Variants in ITGA8 observed in about 807,000 individuals in gnomAD.
ITGA8 encodes integrin subunit alpha 8, also known as integrin alpha-8.
ITGA8 carries 91 observed loss-of-function variants against 142.3 expected under a neutral mutation model. That is an observed-to-expected ratio of 0.64 (90% CI 0.54 to 0.76). The LOEUF is 0.76. Ranked by LOEUF, ITGA8 falls within the 30% of genes least tolerant of loss-of-function variation. The pLI is 0.00. For synonymous variants in ITGA8, 505 were observed against 485.2 expected (o/e 1.04, Z -0.54); for missense variants, 1,406 against 1,327.7 (o/e 1.06, Z -0.92).
At position 15,597,317 on chromosome 10, in the gene ITGA8, AG is replaced by A; in HGVS notation, c.2119-19del. The A allele has an allele frequency of 1.3e-6, 2 of 1,584,400 alleles. No homozygotes were observed. The highest frequency in any genetic ancestry group is 1.7e-6 in the Non-Finnish European group (2 of 1,152,762). ...CGAAATCCCTACAATTGCAAAGAAC[AG>A]GGGGTTTAGGGGGCAGGATAAATGA... On this transcript the variant is annotated intron_variant, in intron 20 of 29. Transcript: ENST00000378076.
In ITGA8 at chr10:15,708,076, C is replaced by G. The variant is rs373547094; in HGVS notation, c.343+10690G>C. 7.9e-5 allele frequency among the ~76,000 whole-genome samples: 12 copies of G among 152,158 alleles called. No homozygotes were observed. The East Asian group carries it at 1.5e-3, about 20-fold the overall frequency. The stretch of plus-strand genomic sequence containing the variant: ...TTCCTATGAACCCCATCCGACGGGA[C>G]AAAATCTTAGGCTTTGTTAGTGGAC... On this transcript the variant is annotated intron_variant, in intron 2 of 29. Coordinates refer to ENST00000378076, the MANE Select transcript of ITGA8 (RefSeq NM_003638.3).
At chr10:15,584,777 G>T (rs1442525925) in intron 23 of ITGA8, among the ~76,000 whole-genome samples, 1 of 152,164 alleles carries the variant, frequency 6.6e-6, no homozygotes, top group East Asian at 1.9e-4. Flanking sequence ...TTTTGGCCGA[G>T]CATGGTGGCT....
intron 11 of ITGA8, among the ~76,000 whole-genome samples, chr10:15,648,721 A>T (rs983866436): frequency 5.3e-5 from 8 of 152,130 alleles, no homozygotes; most frequent in Non-Finnish European, 1.0e-4. Context: ...AGACACTCCA[A>T]CATCACTCTA....
chr10:15,525,074 T>C (rs888361981), intron 28 of ITGA8, among the ~76,000 whole-genome samples: 1 of 152,128 alleles, frequency 6.6e-6, no homozygotes, highest in South Asian at 2.1e-4. Context: ...AGTAGCATGA[T>C]CATAGCTCAC....
intron 25 of ITGA8, among the ~76,000 whole-genome samples, chr10:15,558,981 G>C (rs1359394770): frequency 6.6e-6 from 1 of 152,116 alleles, no homozygotes; most frequent in African/African-American, 2.4e-5. Flanking sequence ...TCCCACCCTT[G>C]AGAATTATGA....
chr10:15,625,387 C>T (rs189922583), intron 13 of ITGA8, among the ~76,000 whole-genome samples: 116 of 152,348 alleles, frequency 7.6e-4, no homozygotes, highest in African/African-American at 2.6e-3. Flanking sequence ...TTTCGTGTCA[C>T]CGTATCAAAG....
intron 5 of ITGA8, among the ~76,000 whole-genome samples, chr10:15,678,056 G>T (rs762291581): frequency 6.6e-6 from 1 of 152,004 alleles, no homozygotes. Context: ...TACATCCCCA[G>T]TGCCACCCCC....
intron 15 of ITGA8, 62 bp downstream of exon 15, chr10:15,613,598 T>C: frequency 1.7e-6 from 2 of 1,178,540 alleles, no homozygotes; most frequent in Non-Finnish European, 2.5e-6. Context: ...TCTGTATTTT[T>C]CACAAGATAC....
chr10:15,604,277 T>C lies in ITGA8; in HGVS notation c.2049A>G (p.Ala683=). The change falls in exon 20 of 30, where the codon GCA becomes GCG. Residue 683 remains alanine (A), a synonymous_variant. Transcript: ENST00000378076. ...TCATTACAAAGAGTTCAGCTTCATATGCTCCTTCCCCTTCATTTCTTGCAT... is the reference window on the plus strand; with the variant it reads ...TCATTACAAAGAGTTCAGCTTCATACGCTCCTTCCCCTTCATTTCTTGCAT... ...IINARNEGEG[A]YEAELFVMIP... is the part of the protein sequence containing the mutation. 6.2e-7 allele frequency: 1 copy of C among 1,613,344 alleles called. No individual in the cohort carries two copies. Among genetic ancestry groups the C allele is most frequent in the Non-Finnish European group, 8.5e-7 (1 of 1,179,394 alleles).
At chr10:15,584,686 C>G (rs1689744926) in intron 23 of ITGA8, among the ~76,000 whole-genome samples, 2 of 152,042 alleles carry the variant, frequency 1.3e-5, no homozygotes, top group South Asian at 4.2e-4. Context: ...AAGATATGTA[C>G]AAAAAACAAT....
intron 25 of ITGA8, among the ~76,000 whole-genome samples, chr10:15,561,211 A>ATG (rs1285870816): frequency 1.2e-5 from 1 of 83,174 alleles, no homozygotes; most frequent in Admixed American, 1.1e-4. Context: ...TCTGTTGGCT[A>ATG]TATATATATA....
intron 13 of ITGA8, among the ~76,000 whole-genome samples, chr10:15,621,028 A>T (rs1440090714): frequency 6.6e-6 from 1 of 152,130 alleles, no homozygotes; most frequent in Non-Finnish European, 1.5e-5. Context: ...CACTTGGAAC[A>T]TTTTTTTCTC....
rs1375792477 is a variant in ITGA8 at position 15,644,477 on chromosome 10, T to C, written c.1208-256A>G. Reference sequence around the variant, plus strand: ...ATATATATATATATATATATATATATATATATATATATATAGAATTTTTTT... The same window carrying C: ...ATATATATATATATATATATATATACATATATATATATATAGAATTTTTTT... On this transcript the variant is annotated intron_variant, in intron 12 of 29. Transcript: ENST00000378076. 2.5e-4 allele frequency among the ~76,000 whole-genome samples: 6 copies of C among 23,780 alleles called. 1 individual carries two copies. The highest frequency in any genetic ancestry group is 2.7e-3 in the East Asian group (1 of 364). The allele number at this position is 23,780 out of a possible 152,430, so 15.6% of individuals were successfully genotyped here.
chr10:15,706,680 T>TGTCAAGA (rs1835264193), intron 2 of ITGA8, among the ~76,000 whole-genome samples: 1 of 152,148 alleles, frequency 6.6e-6, no homozygotes, highest in African/African-American at 2.4e-5. Context: ...TGTCAAGTGG[T>TGTCAAGA]CCTCCTGCCT....
chr10:15,674,399 C>A (rs986773745), intron 6 of ITGA8, among the ~76,000 whole-genome samples: 1 of 152,108 alleles, frequency 6.6e-6, no homozygotes, highest in Non-Finnish European at 1.5e-5. Flanking sequence ...AAATTTTTAG[C>A]AAATCATTTG....
At chr10:15,656,269 G>A (rs1834182601) in intron 10 of ITGA8, among the ~76,000 whole-genome samples, 1 of 152,160 alleles carries the variant, frequency 6.6e-6, no homozygotes, top group Admixed American at 6.6e-5. Flanking sequence ...CCACATCTCA[G>A]TATCAATTTG....
At chr10:15,528,494 C>CAGATAAAAA (rs1833220615) in intron 28 of ITGA8, among the ~76,000 whole-genome samples, 1 of 138,950 alleles carries the variant, frequency 7.2e-6, no homozygotes, top group Non-Finnish European at 1.5e-5. Context: ...TCACCTACAT[C>CAGATAAAAA]AGATAAAAAG....
intron 25 of ITGA8, among the ~76,000 whole-genome samples, chr10:15,560,902 CT>C (rs1833962914): frequency 6.6e-6 from 1 of 151,786 alleles, no homozygotes; most frequent in African/African-American, 2.4e-5. Flanking sequence ...AAAGGGTCTC[CT>C]TATTTATTTA....
Position 15,678,374 on chromosome 10 carries a change from A to G in ITGA8, c.630+348T>C, listed in dbSNP as rs1834672136. Among the ~76,000 whole-genome samples the G allele has an allele frequency of 2.6e-5, 4 of 152,346 alleles. No homozygotes were observed. The South Asian group carries it at 6.2e-4, about 24-fold the overall frequency. On this transcript the variant is annotated intron_variant, in intron 5 of 29. Transcript: ENST00000378076. ...ATGTAACTGGTCAATTACAGTTAAC[A>G]AAACAATGAATAGATTCATGTGATC...
Sources: allele counts gnomAD v4.1 joint callset (sites outside exome capture counted in the v4.1 genomes callset), GRCh38; gene constraint gnomAD v4.1.1; transcripts MANE v1.5; gene names NCBI Gene and HGNC (gene_info 2026-07-23, HGNC 2026-07-21).